The following MACROD2 variants were observed in gnomAD, a reference collection of about 807,000 sequenced individuals.
The protein encoded by MACROD2 is mono-ADP ribosylhydrolase 2.
In MACROD2, 36 loss-of-function variants were observed where a neutral mutation model predicts 70.4. The ratio of observed to expected loss-of-function variants is 0.51; its 90% CI spans 0.39 to 0.68. MACROD2 has a LOEUF of 0.68. Ranked by LOEUF, MACROD2 falls within the 30% of genes least tolerant of loss-of-function variation. The pLI is 0.00. For synonymous variants in MACROD2, 172 were observed against 178.8 expected, an observed-to-expected ratio of 0.96 and a Z score of 0.30; for missense variants, 496 against 538.4, an observed-to-expected ratio of 0.92 and a Z score of 0.78.
At chr20:14,946,447 T>C (rs1450477915) in intron 5 of MACROD2, among the ~76,000 whole-genome samples, 1 of 152,088 alleles carries the variant, frequency 6.6e-6, no homozygotes, top group African/African-American at 2.4e-5. Flanking sequence ...TTAAATAAAA[T>C]ACAAGGGGCA....
intron 4 of MACROD2, among the ~76,000 whole-genome samples, chr20:14,537,654 C>T (rs183415757): frequency 7.2e-5 from 11 of 152,186 alleles, no homozygotes; most frequent in South Asian, 2.1e-4. Context: ...AAGTTCCATG[C>T]GGTTTCTATT....
At chr20:15,647,908 G>A (rs1022173615) in intron 8 of MACROD2, among the ~76,000 whole-genome samples, 7 of 151,972 alleles carry the variant, frequency 4.6e-5, no homozygotes, top group African/African-American at 1.7e-4. Context: ...TAGTAGAGAT[G>A]GGGTCTCACC....
intron 5 of MACROD2, chr20:15,021,510 CTA>C (rs1054754267): frequency 1.3e-5 from 2 of 149,042 alleles, no homozygotes; most frequent in African/African-American, 5.0e-5. Context: ...ACATATATGC[CTA>C]TATGTGTGTA....
chr20:15,055,681 T>G (rs1601007530), intron 5 of MACROD2, among the ~76,000 whole-genome samples: 1 of 152,188 alleles, frequency 6.6e-6, no homozygotes, highest in East Asian at 1.9e-4. Flanking sequence ...ATGGATAATA[T>G]TAAGTGGAAC....
intron 12 of MACROD2, among the ~76,000 whole-genome samples, chr20:15,944,477 C>T (rs545318211): frequency 2.6e-5 from 4 of 152,158 alleles, no homozygotes; most frequent in Admixed American, 6.5e-5. Context: ...TATAACAGTA[C>T]ATTGTAAAAT....
chr20:15,012,161 T>G (rs1190743886), intron 5 of MACROD2, among the ~76,000 whole-genome samples: 9 of 152,232 alleles, frequency 5.9e-5, no homozygotes. Flanking sequence ...TCATTAATTC[T>G]TAATTGGTGG....
intron 4 of MACROD2, among the ~76,000 whole-genome samples, chr20:14,619,309 G>A (rs1317428756): frequency 6.7e-6 from 1 of 149,282 alleles, no homozygotes; most frequent in Non-Finnish European, 1.5e-5. Flanking sequence ...GGAGACTTTG[G>A]TGTCTTTCTT....
intron 5 of MACROD2, among the ~76,000 whole-genome samples, chr20:15,059,003 T>C (rs2075510160): frequency 6.6e-6 from 1 of 152,204 alleles, no homozygotes; most frequent in Admixed American, 6.5e-5. Context: ...TCTATGGTTT[T>C]ATTATGTAAA....
chr20:15,201,782 C>T (rs764495476), intron 5 of MACROD2, among the ~76,000 whole-genome samples: 1 of 152,172 alleles, frequency 6.6e-6, no homozygotes, highest in Non-Finnish European at 1.5e-5. Context: ...CAATCCACAA[C>T]CCTTTGTGAC....
intron 8 of MACROD2, among the ~76,000 whole-genome samples, chr20:15,670,774 A>G (rs1214867893): frequency 3.9e-5 from 6 of 152,184 alleles, no homozygotes; most frequent in African/African-American, 1.2e-4. Context: ...TCAACATCAT[A>G]TGTATCGAAT....
At chr20:15,751,359 T>G (rs2051266575) in intron 8 of MACROD2, among the ~76,000 whole-genome samples, 1 of 152,068 alleles carries the variant, frequency 6.6e-6, no homozygotes, top group South Asian at 2.1e-4. Context: ...ATTTTATTAC[T>G]TTATCATAAC....
chr20:15,709,809 C>G (rs2050597464), intron 8 of MACROD2, among the ~76,000 whole-genome samples: 1 of 152,116 alleles, frequency 6.6e-6, no homozygotes, highest in Non-Finnish European at 1.5e-5. Flanking sequence ...TAAATCCTCT[C>G]TTCTAGCTAT....
intron 2 of MACROD2, among the ~76,000 whole-genome samples, chr20:14,052,542 T>A (rs2053581272): frequency 6.6e-6 from 1 of 152,180 alleles, no homozygotes; most frequent in Non-Finnish European, 1.5e-5. Context: ...ATGTTAACAA[T>A]GCTGTGCGTT....
At chr20:15,566,973 A>G (rs1422012411) in intron 8 of MACROD2, among the ~76,000 whole-genome samples, 1 of 152,188 alleles carries the variant, frequency 6.6e-6, no homozygotes, top group African/African-American at 2.4e-5. Flanking sequence ...ATAAAAATTC[A>G]GAAGTGAGAA....
At chr20:14,614,658 A>G (rs935246566) in intron 4 of MACROD2, among the ~76,000 whole-genome samples, 1 of 152,088 alleles carries the variant, frequency 6.6e-6, no homozygotes, top group Non-Finnish European at 1.5e-5. Flanking sequence ...ATGAAAGAAA[A>G]CATGTTGATG....
At chr20:14,583,545 A>G (rs372884092) in intron 4 of MACROD2, among the ~76,000 whole-genome samples, 31 of 152,262 alleles carry the variant, frequency 2.0e-4, no homozygotes, top group African/African-American at 7.2e-4. Context: ...TCCCAAATAA[A>G]CAACTGATGT....
intron 3 of MACROD2, among the ~76,000 whole-genome samples, chr20:14,247,005 G>T (rs2081972988): frequency 6.6e-6 from 1 of 152,058 alleles, no homozygotes; most frequent in African/African-American, 2.4e-5. Flanking sequence ...TCATTTTTGT[G>T]ATTGAAAGCA....
At chr20:14,186,118 C>G (rs1402467865) in intron 3 of MACROD2, among the ~76,000 whole-genome samples, 1 of 152,122 alleles carries the variant, frequency 6.6e-6, no homozygotes, top group African/African-American at 2.4e-5. Flanking sequence ...ATACTGACTG[C>G]TTTCCTGAAT....
chr20:15,639,366 A>T (rs1367403133), intron 8 of MACROD2, among the ~76,000 whole-genome samples: 1 of 152,210 alleles, frequency 6.6e-6, no homozygotes, highest in Non-Finnish European at 1.5e-5. Flanking sequence ...TTGAGGCTCC[A>T]TGAGAAGGCA....
Sources: allele counts gnomAD v4.1 joint callset (sites outside exome capture counted in the v4.1 genomes callset), GRCh38; gene constraint gnomAD v4.1.1; transcripts MANE v1.5; gene names NCBI Gene and HGNC (gene_info 2026-07-23, HGNC 2026-07-21).